The following CPEB3 variants were observed in gnomAD, a reference collection of about 807,000 sequenced individuals.
CPEB3 encodes the protein cytoplasmic polyadenylation element binding protein 3.
CPEB3 carries 20 observed loss-of-function variants against 67.2 expected under a neutral mutation model. The ratio of observed to expected loss-of-function variants is 0.30; its 90% CI spans 0.21 to 0.43. The LOEUF is 0.43. Ranked by LOEUF, CPEB3 falls within the 20% of genes least tolerant of loss-of-function variation. The pLI, the probability that CPEB3 is intolerant of heterozygous loss-of-function variation, is 1.00. For synonymous variants in CPEB3, 376 were observed against 393.1 expected (o/e 0.96, Z 0.51); for missense variants, 746 against 968.6 (o/e 0.77, Z 3.05).
chr10:92,160,531 C>T (rs1420960537), intron 4 of CPEB3, among the ~76,000 whole-genome samples: 1 of 152,096 alleles, frequency 6.6e-6, no homozygotes, highest in African/African-American at 2.4e-5. Context: ...CTTCCCATCC[C>T]CAATGATGTT....
intron 9 of CPEB3, among the ~76,000 whole-genome samples, chr10:92,077,726 C>A (rs775773176): frequency 2.0e-4 from 30 of 149,770 alleles, no homozygotes; most frequent in Middle Eastern, 3.2e-3. Flanking sequence ...CAGGGTGAGA[C>A]CCTGTCACAA....
intron 9 of CPEB3, among the ~76,000 whole-genome samples, chr10:92,053,874 C>A (rs553498790): frequency 6.6e-6 from 1 of 151,730 alleles, no homozygotes; most frequent in East Asian, 1.9e-4. Context: ...TTAGTAGAAA[C>A]GGGGTTTCAC....
chr10:92,245,731 C>T, intron 1 of CPEB3, among the ~76,000 whole-genome samples: 1 of 152,106 alleles, frequency 6.6e-6, no homozygotes, highest in East Asian at 1.9e-4. Context: ...GCCACATTTT[C>T]AAGTATTCTA....
chr10:92,284,125 G>A (rs1388396534), intron 1 of CPEB3, among the ~76,000 whole-genome samples: 8 of 148,144 alleles, frequency 5.4e-5, no homozygotes, highest in Admixed American at 4.1e-4. Flanking sequence ...TGCAACCTCC[G>A]CCTCCAGGGT....
At chr10:92,110,987 C>G in intron 7 of CPEB3, 89 bp downstream of exon 7, 1 of 965,330 alleles carries the variant, frequency 1.0e-6, no homozygotes, top group Non-Finnish European at 1.7e-6. Context: ...ATCCTAGTTA[C>G]CAGCATTTCC....
intron 2 of CPEB3, among the ~76,000 whole-genome samples, chr10:92,217,479 A>T (rs902114524): frequency 1.3e-5 from 2 of 152,068 alleles, no homozygotes; most frequent in African/African-American, 4.8e-5. Context: ...TCATATTAAC[A>T]AGCTGGGCGT....
At chr10:92,098,628 T>C (rs1844009934) in intron 7 of CPEB3, among the ~76,000 whole-genome samples, 1 of 152,218 alleles carries the variant, frequency 6.6e-6, no homozygotes, top group African/African-American at 2.4e-5. Context: ...TCTGAAAAGT[T>C]CGCTTCTATA....
At chr10:92,100,290 TG>T (rs1844114611) in intron 7 of CPEB3, among the ~76,000 whole-genome samples, 1 of 152,232 alleles carries the variant, frequency 6.6e-6, no homozygotes, top group Non-Finnish European at 1.5e-5. Context: ...GTTTGTTTTT[TG>T]AGACAGAGTT....
intron 2 of CPEB3, among the ~76,000 whole-genome samples, chr10:92,207,345 G>C (rs916262028): frequency 7.9e-5 from 12 of 152,120 alleles, no homozygotes; most frequent in Non-Finnish European, 1.2e-4. Flanking sequence ...TAAGATAATG[G>C]TAAGACAATA....
At chr10:92,134,796 G>A (rs1375494973) in intron 6 of CPEB3, among the ~76,000 whole-genome samples, 1 of 151,878 alleles carries the variant, frequency 6.6e-6, no homozygotes, top group Non-Finnish European at 1.5e-5. Context: ...AAACAGCATG[G>A]TACTGGGACC....
At chr10:92,075,307 A>C (rs1307114741) in intron 9 of CPEB3, among the ~76,000 whole-genome samples, 2 of 152,230 alleles carry the variant, frequency 1.3e-5, no homozygotes, top group Non-Finnish European at 2.9e-5. Context: ...CTGAATAATT[A>C]CAGAGAATAA....
At chr10:92,068,252 C>A (rs1057500158) in intron 9 of CPEB3, among the ~76,000 whole-genome samples, 1 of 152,118 alleles carries the variant, frequency 6.6e-6, no homozygotes, top group African/African-American at 2.4e-5. Context: ...TGGTTTCCTG[C>A]TATGCTGCTT....
chr10:92,058,578 TA>T (rs1564745062), intron 9 of CPEB3, among the ~76,000 whole-genome samples: 1 of 120,742 alleles, frequency 8.3e-6, no homozygotes, highest in African/African-American at 2.8e-5. Context: ...CATACATACA[TA>T]CATACATACA....
intron 4 of CPEB3, among the ~76,000 whole-genome samples, chr10:92,179,014 C>A (rs548138368): frequency 1.5e-4 from 23 of 152,210 alleles, no homozygotes; most frequent in Non-Finnish European, 3.2e-4. Context: ...CAGAGACATT[C>A]AAAGATTGAT....
chr10:92,254,435 A>G (rs1852434885), intron 1 of CPEB3, among the ~76,000 whole-genome samples: 1 of 152,174 alleles, frequency 6.6e-6, no homozygotes, highest in Non-Finnish European at 1.5e-5. Context: ...TAAGTTTGAG[A>G]ACAGAATAAG....
intron 1 of CPEB3, among the ~76,000 whole-genome samples, chr10:92,269,621 A>C (rs185478562): frequency 1.3e-5 from 2 of 152,136 alleles, no homozygotes; most frequent in African/African-American, 4.8e-5. Context: ...GCAATGGCGC[A>C]ATCTCGGCTC....
chr10:92,048,716 C>T lies in CPEB3; in HGVS notation c.*3496G>A, dbSNP rs1042393492. Reference sequence around the variant, plus strand: ...ACTTTACATAACCAAGCATTTTCATCGTTGTCACACTATTGTAAACCACAT... The same window carrying T: ...ACTTTACATAACCAAGCATTTTCATTGTTGTCACACTATTGTAAACCACAT... On this transcript the variant is annotated 3_prime_UTR_variant, in exon 10 of 10. Transcript: ENST00000265997. The surrounding 1 kb of genome is among the most constrained non-coding windows in gnomAD (Gnocchi z 4.1). 2.0e-5 allele frequency: 3 copies of T among 152,560 alleles called. No individual in the cohort carries two copies. The highest frequency in any genetic ancestry group is 1.3e-4 in the Admixed American group (2 of 15,260). 9.5% of individuals were successfully genotyped at this position (152,560 alleles called of 1,614,324 possible).
At position 92,239,329 on chromosome 10, in the gene CPEB3, G is replaced by A; in HGVS notation, c.1005+17C>T. The A allele has an allele frequency of 6.3e-7, 1 of 1,599,040 alleles. No homozygotes were observed. The highest frequency in any genetic ancestry group is 2.1e-4 in the Middle Eastern group (1 of 4,728). On this transcript the variant is annotated intron_variant, in intron 2 of 9. Coordinates refer to ENST00000265997, the MANE Select transcript of CPEB3 (RefSeq NM_014912.5). The surrounding 1 kb of genome is among the most constrained non-coding windows in gnomAD (Gnocchi z 6.0). Reference sequence around the variant, plus strand: ...CGGGGCAGAGGGAAGGAGTGTGTAGGTGCAGCAGAGTATTACCTGAAATGG... The same window carrying A: ...CGGGGCAGAGGGAAGGAGTGTGTAGATGCAGCAGAGTATTACCTGAAATGG...
chr10:92,247,165 C>T (rs1212626466), intron 1 of CPEB3, among the ~76,000 whole-genome samples: 1 of 152,152 alleles, frequency 6.6e-6, no homozygotes, highest in Non-Finnish European at 1.5e-5. Context: ...CAAAGCCCTT[C>T]TCTACTGAAA....
Sources: gnomAD v4.1 joint callset for allele counts (sites outside exome capture counted in the v4.1 genomes callset) on GRCh38, gnomAD v4.1.1 for gene constraint, Gnocchi (gnomAD v3.1) non-coding constraint, MANE v1.5 for transcripts, NCBI Gene and HGNC (gene_info 2026-07-23, HGNC 2026-07-21) for gene names.